ATAD2B: variants seen among roughly 807,000 people sequenced by gnomAD.
ATAD2B encodes the protein ATPase family AAA domain-containing protein 2B.
ATAD2B carries 40 observed loss-of-function variants against 167.6 expected under a neutral mutation model. The ratio of observed to expected loss-of-function variants is 0.24; its 90% CI spans 0.19 to 0.31. ATAD2B has a LOEUF of 0.31. Among genes scored for constraint, ATAD2B ranks in the 10% least tolerant of loss-of-function variants. The probability of loss-of-function intolerance (pLI) is 1.00; values close to 1 mark genes in which losing one functional copy is unlikely to be tolerated. For synonymous variants in ATAD2B, 579 were observed against 596.5 expected (o/e 0.97, Z 0.43); for missense variants, 1,242 against 1,757.2 (o/e 0.71, Z 5.24).
chr2:23,685,903 C>T, the ATAD2B span, among the ~76,000 whole-genome samples: 8 of 152,174 alleles, frequency 5.3e-5, no homozygotes, highest in African/African-American at 1.9e-4. Flanking sequence ...TCCAAACCAG[C>T]TAGAGAGGAC....
intron 17 of ATAD2B, among the ~76,000 whole-genome samples, chr2:23,814,404 A>C (rs1205145337): frequency 6.6e-6 from 1 of 152,180 alleles, no homozygotes; most frequent in African/African-American, 2.4e-5. Context: ...ACCATAGTTC[A>C]ATGTGATTAA....
At chr2:23,772,887 G>A (rs879519682) in intron 22 of ATAD2B, among the ~76,000 whole-genome samples, 4 of 152,014 alleles carry the variant, frequency 2.6e-5, no homozygotes, top group Admixed American at 6.6e-5. Context: ...ACAAGCATGC[G>A]CCACCACGCC....
At chr2:23,758,386 G>C (rs1464657107) in intron 24 of ATAD2B, among the ~76,000 whole-genome samples, 1 of 152,090 alleles carries the variant, frequency 6.6e-6, no homozygotes, top group Non-Finnish European at 1.5e-5. Flanking sequence ...CTTTACTACT[G>C]TTCCTAATTT....
At chr2:23,735,959 T>C in the ATAD2B span, among the ~76,000 whole-genome samples, 1 of 152,164 alleles carries the variant, frequency 6.6e-6, no homozygotes, top group African/African-American at 2.4e-5. Flanking sequence ...GGAAGGAAAA[T>C]AAGGGTAGGA....
chr2:23,768,185 T>C (rs1422330316), intron 22 of ATAD2B, among the ~76,000 whole-genome samples: 4 of 152,196 alleles, frequency 2.6e-5, no homozygotes, highest in Non-Finnish European at 4.4e-5. Context: ...ACTTAAAGTA[T>C]ACAATTTGAT....
rs1704939373 is a variant in ATAD2B at position 23,926,799 on chromosome 2, C to T, written c.-29G>A. The T allele has an allele frequency of 6.7e-7, 1 of 1,490,696 alleles. No homozygotes were observed. Among genetic ancestry groups the T allele is most frequent in the Non-Finnish European group, 8.9e-7 (1 of 1,118,410 alleles). The allele number at this position is 1,490,696 out of a possible 1,614,324, so 92.3% of individuals were successfully genotyped here. A position where few individuals can be genotyped will look rare whatever the true frequency, so the allele number is the denominator to read the frequency against. Reference sequence around the variant, plus strand: ...CCAGCCAGGGGGACGGAGTCCACGCCGCGCCCGGGAGAGCCGAGCAAGGCC... The same window carrying T: ...CCAGCCAGGGGGACGGAGTCCACGCTGCGCCCGGGAGAGCCGAGCAAGGCC... On this transcript the variant is annotated 5_prime_UTR_variant, in exon 1 of 28. Transcript: ENST00000238789.
intron 20 of ATAD2B, among the ~76,000 whole-genome samples, chr2:23,787,065 T>TA (rs1680941076): frequency 6.9e-6 from 1 of 145,196 alleles, no homozygotes; most frequent in African/African-American, 2.5e-5. Flanking sequence ...AAAAAGGAAC[T>TA]AAAAAAAGAA....
chr2:23,888,467 C>G (rs1258595606), intron 2 of ATAD2B, 68 bp from the exon 3 acceptor site: 1 of 954,912 alleles, frequency 1.0e-6, no homozygotes, highest in East Asian at 2.9e-5. Flanking sequence ...AAATGAAATA[C>G]TGCTGGAATT....
In ATAD2B at chr2:23,869,870, T is replaced by C; in HGVS notation, c.978-109A>G. The C allele has an allele frequency of 1.1e-5, 8 of 714,654 alleles. No individual in the cohort carries two copies. In the South Asian group the frequency reaches 1.4e-4, roughly 12 times the overall value. The allele number at this position is 714,654 out of a possible 1,614,324, so 44.3% of individuals were successfully genotyped here. A position where few individuals can be genotyped will look rare whatever the true frequency, so the allele number is the denominator to read the frequency against. ...AGAGAAAATTCATTCAGCAAATATT[T>C]ATTAAGATTTTTTACCCTCATACAA... On this transcript the variant is annotated intron_variant, in intron 8 of 27. Transcript: ENST00000238789.
At chr2:23,902,249 ATTTAC>A (rs1474526439) in intron 1 of ATAD2B, among the ~76,000 whole-genome samples, 1 of 152,164 alleles carries the variant, frequency 6.6e-6, no homozygotes, top group Non-Finnish European at 1.5e-5. Context: ...GTACTGGTAT[ATTTAC>A]TTTTTTTGTC....
At chr2:23,887,749 G>T in intron 4 of ATAD2B, 83 bp downstream of exon 4, 1 of 1,261,714 alleles carries the variant, frequency 7.9e-7, no homozygotes, top group Non-Finnish European at 1.1e-6. Context: ...TTGCTAAGTC[G>T]TTGCTTATGT....
At chr2:23,747,082 C>T (rs1331070584), downstream of ATAD2B, among the ~76,000 whole-genome samples, 1 of 151,938 alleles carries the variant, frequency 6.6e-6, no homozygotes, top group Non-Finnish European at 1.5e-5. Context: ...AAATTTGTGC[C>T]TTCTATGTCA....
At chr2:23,904,077 A>G (rs1256008634) in intron 1 of ATAD2B, among the ~76,000 whole-genome samples, 1 of 152,160 alleles carries the variant, frequency 6.6e-6, no homozygotes. Flanking sequence ...GGAGAGGTCT[A>G]TCAGGCTATG....
chr2:23,827,803 G>C (rs1572934286), intron 15 of ATAD2B: 1 of 152,792 alleles, frequency 6.5e-6, no homozygotes, highest in East Asian at 1.9e-4. Flanking sequence ...CTCACCAGAA[G>C]ATGTCGAGGT....
At chr2:23,914,102 AC>A (rs1207244667) in intron 1 of ATAD2B, among the ~76,000 whole-genome samples, 6 of 152,214 alleles carry the variant, frequency 3.9e-5, no homozygotes, top group Non-Finnish European at 8.8e-5. Flanking sequence ...ATTTTAAAAA[AC>A]AAAAAAAAAG....
intron 21 of ATAD2B, among the ~76,000 whole-genome samples, chr2:23,783,481 C>T (rs1336254813): frequency 6.6e-6 from 1 of 151,930 alleles, no homozygotes; most frequent in Non-Finnish European, 1.5e-5. Flanking sequence ...TTTCAGTTTT[C>T]TAGAGTGAAC....
intron 1 of ATAD2B, among the ~76,000 whole-genome samples, chr2:23,911,987 A>C (rs1175755436): frequency 6.6e-6 from 1 of 152,036 alleles, no homozygotes; most frequent in Non-Finnish European, 1.5e-5. Context: ...AAAAAAAAAA[A>C]AAAAAAAGTA....
At chr2:23,815,267 A>G (rs969964357) in intron 17 of ATAD2B, among the ~76,000 whole-genome samples, 2 of 152,214 alleles carry the variant, frequency 1.3e-5, no homozygotes, top group Admixed American at 6.5e-5. Flanking sequence ...TGTGAATGAC[A>G]GTTCAACAAG....
the ATAD2B span, chr2:23,707,083 T>G: frequency 6.5e-6 from 1 of 154,650 alleles, no homozygotes. Flanking sequence ...AAAGTGTCCT[T>G]ATCACTTTGA....
Sources: allele counts gnomAD v4.1 joint callset (sites outside exome capture counted in the v4.1 genomes callset), GRCh38; gene constraint gnomAD v4.1.1; transcripts MANE v1.5; gene names NCBI Gene and HGNC (gene_info 2026-07-23, HGNC 2026-07-21).